The following SHISA9 variants were observed in gnomAD, a reference collection of about 807,000 sequenced individuals.
The protein encoded by SHISA9 is shisa family member 9, also known as protein shisa-9.
SHISA9 carries 13 observed loss-of-function variants against 38.0 expected under a neutral mutation model. The ratio of observed to expected loss-of-function variants is 0.34; its 90% CI spans 0.22 to 0.54. The LOEUF (loss-of-function observed/expected upper bound fraction) is 0.54. Ranked by LOEUF, SHISA9 falls within the 20% of genes least tolerant of loss-of-function variation. The pLI is 0.91. For missense variants in SHISA9, 538 were observed against 575.8 expected, an observed-to-expected ratio of 0.93 and a Z score of 0.67; for synonymous variants, 275 against 242.0, an observed-to-expected ratio of 1.14 and a Z score of -1.27.
At chr16:12,933,901 G>T (rs2071493526) in intron 2 of SHISA9, among the ~76,000 whole-genome samples, 1 of 152,050 alleles carries the variant, frequency 6.6e-6, no homozygotes, top group Admixed American at 6.6e-5. Context: ...CATTTAAGAG[G>T]GTGATAAGTA....
In SHISA9 at chr16:12,980,894, T is replaced by A. The variant is rs28655244; in HGVS notation, c.691+64079T>A. 9.1e-3 allele frequency among the ~76,000 whole-genome samples: 1,382 copies of A among 152,324 alleles called. 18 individuals carry two copies. Among genetic ancestry groups the A allele is most frequent in the African/African-American group, 0.031 (1,308 of 41,566 alleles). ...ATTATATTTTTCATGCCTGATATTT[T>A]AAATTGGTTCTTTTAAATATTTTCT... On this transcript the variant is annotated intron_variant, in intron 2 of 4. Transcript: ENST00000558583.
chr16:13,435,223 G>T, the SHISA9 span, among the ~76,000 whole-genome samples: 1 of 142,346 alleles, frequency 7.0e-6, no homozygotes, highest in Non-Finnish European at 1.5e-5. Flanking sequence ...CCCATTCTTA[G>T]AATCTTTTTT....
chr16:13,193,614 G>C (rs577232319), intron 2 of SHISA9, among the ~76,000 whole-genome samples: 4 of 152,326 alleles, frequency 2.6e-5, no homozygotes, highest in Non-Finnish European at 1.5e-5. Flanking sequence ...CCAAAGTGCT[G>C]TGATTACAGG....
the SHISA9 span, among the ~76,000 whole-genome samples, chr16:13,296,189 C>G: frequency 4.6e-5 from 7 of 151,254 alleles, no homozygotes; most frequent in Admixed American, 4.6e-4. Context: ...TCTTCTGTCA[C>G]TTTGAAAGAA....
At chr16:13,415,446 TG>T in the SHISA9 span, among the ~76,000 whole-genome samples, 2 of 151,808 alleles carry the variant, frequency 1.3e-5, no homozygotes, top group Admixed American at 1.3e-4. Flanking sequence ...GGGAGGAAGG[TG>T]GGAGGAGGGA....
At chr16:13,551,744 G>T in the SHISA9 span, among the ~76,000 whole-genome samples, 1 of 152,128 alleles carries the variant, frequency 6.6e-6, no homozygotes, top group Non-Finnish European at 1.5e-5. Flanking sequence ...AGTACAATTG[G>T]TAGGCCGGGA....
chr16:13,072,017 A>G (rs928005739), intron 2 of SHISA9, among the ~76,000 whole-genome samples: 1 of 152,110 alleles, frequency 6.6e-6, no homozygotes. Context: ...CACTGTTGAC[A>G]TTGCAGGGAT....
chr16:13,197,077 G>C (rs1012012738), intron 2 of SHISA9, among the ~76,000 whole-genome samples: 3 of 146,154 alleles, frequency 2.1e-5, no homozygotes, highest in African/African-American at 8.1e-5. Context: ...GGGTGACAGA[G>C]TGAAACTGTA....
chr16:13,553,409 G>A, the SHISA9 span, among the ~76,000 whole-genome samples: 19,430 of 152,076 alleles, frequency 0.13, 1,593 homozygotes, highest in African/African-American at 0.22. Flanking sequence ...AAGTTTTACC[G>A]CAAATCTCTA....
chr16:13,266,162 T>G, the SHISA9 span, among the ~76,000 whole-genome samples: 2 of 152,186 alleles, frequency 1.3e-5, no homozygotes, highest in East Asian at 3.9e-4. Context: ...AGCAGGAGTC[T>G]CCTTTGCCAA....
the SHISA9 span, among the ~76,000 whole-genome samples, chr16:13,311,561 T>C: frequency 2.0e-5 from 3 of 152,174 alleles, no homozygotes; most frequent in Non-Finnish European, 4.4e-5. Context: ...CTGAGTAATG[T>C]TGATTACACA....
At chr16:13,562,312 G>T in the SHISA9 span, among the ~76,000 whole-genome samples, 63 of 152,172 alleles carry the variant, frequency 4.1e-4, 1 homozygote, top group African/African-American at 1.5e-3. Context: ...AAATGAAAAT[G>T]CAGTGTAAGT....
intron 2 of SHISA9, among the ~76,000 whole-genome samples, chr16:13,177,222 C>G (rs2050738996): frequency 6.6e-6 from 1 of 152,192 alleles, no homozygotes; most frequent in Non-Finnish European, 1.5e-5. Context: ...CTTAATTGCT[C>G]TCTGATCTTT....
the SHISA9 span, among the ~76,000 whole-genome samples, chr16:13,250,508 A>G: frequency 1.2e-4 from 19 of 152,090 alleles, no homozygotes; most frequent in Non-Finnish European, 1.8e-4. Flanking sequence ...TTGGACATTG[A>G]TTCCCTTATC....
At chr16:13,417,810 A>G in the SHISA9 span, among the ~76,000 whole-genome samples, 1 of 152,220 alleles carries the variant, frequency 6.6e-6, no homozygotes, top group Non-Finnish European at 1.5e-5. Context: ...GTTAATGCCA[A>G]CGGGCAGAGA....
chr16:13,013,495 G>T (rs1427599904), intron 2 of SHISA9, among the ~76,000 whole-genome samples: 1 of 152,146 alleles, frequency 6.6e-6, no homozygotes, highest in Non-Finnish European at 1.5e-5. Flanking sequence ...TCTAAGTTCC[G>T]CGTGGCTAGG....
At chr16:13,537,826 A>G in the SHISA9 span, among the ~76,000 whole-genome samples, 2 of 152,210 alleles carry the variant, frequency 1.3e-5, no homozygotes, top group Non-Finnish European at 2.9e-5. Context: ...TTTTAAAATT[A>G]TGCAACTTGA....
chr16:13,405,956 G>T, the SHISA9 span, among the ~76,000 whole-genome samples: 2 of 133,560 alleles, frequency 1.5e-5, no homozygotes, highest in Non-Finnish European at 3.2e-5. Context: ...AAAAAAAAAA[G>T]CAATTGCAAC....
At chr16:12,983,239 G>A (rs992081604) in intron 2 of SHISA9, among the ~76,000 whole-genome samples, 18 of 152,164 alleles carry the variant, frequency 1.2e-4, no homozygotes, top group Admixed American at 3.9e-4. Flanking sequence ...TTGTGGCAGC[G>A]GGGAGTGGCT....
Sources: allele counts gnomAD v4.1 joint callset (sites outside exome capture counted in the v4.1 genomes callset), GRCh38; gene constraint gnomAD v4.1.1; transcripts MANE v1.5; gene names NCBI Gene and HGNC (gene_info 2026-07-23, HGNC 2026-07-21).